The following EGFLAM variants were observed in gnomAD, a reference collection of about 807,000 sequenced individuals.
EGFLAM encodes EGF like, fibronectin type III and laminin G domains.
A neutral mutation model predicts 113.1 loss-of-function variants in EGFLAM; 79 were observed. The ratio of observed to expected loss-of-function variants is 0.70; its 90% CI spans 0.58 to 0.84. The LOEUF is 0.84. Among genes scored for constraint, EGFLAM ranks in the 40% least tolerant of loss-of-function variants. The pLI is 0.00. For synonymous variants in EGFLAM, 504 were observed against 487.6 expected, an observed-to-expected ratio of 1.03 and a Z score of -0.44; for missense variants, 1,265 against 1,291.6, an observed-to-expected ratio of 0.98 and a Z score of 0.32.
intron 1 of EGFLAM, among the ~76,000 whole-genome samples, chr5:38,262,654 G>A (rs1757529132): frequency 1.3e-5 from 2 of 152,182 alleles, no homozygotes; most frequent in Admixed American, 6.5e-5. Context: ...TATATTGGAA[G>A]TTTGTTCCTT....
At chr5:38,321,461 G>A (rs1738738633) in intron 1 of EGFLAM, among the ~76,000 whole-genome samples, 1 of 152,214 alleles carries the variant, frequency 6.6e-6, no homozygotes, top group Non-Finnish European at 1.5e-5. Context: ...GATGTAAGAA[G>A]TGAGCTTGAG....
chr5:38,340,794 T>C (rs1159451756), intron 3 of EGFLAM, among the ~76,000 whole-genome samples: 2 of 144,030 alleles, frequency 1.4e-5, no homozygotes, highest in African/African-American at 2.5e-5. Flanking sequence ...TGTCCACACA[T>C]GCCTCTCTCT....
At chr5:38,463,784 G>A (rs200261741) in intron 21 of EGFLAM, 48 bp from the exon 22 acceptor site, 58 of 1,600,656 alleles carry the variant, frequency 3.6e-5, no homozygotes, top group African/African-American at 3.3e-4. Context: ...CTTGCCCTGC[G>A]GACACCTGTC....
At chr5:38,392,632 G>GGT (rs1382051087) in intron 6 of EGFLAM, among the ~76,000 whole-genome samples, 1 of 150,594 alleles carries the variant, frequency 6.6e-6, no homozygotes, top group African/African-American at 2.5e-5. Context: ...TTTTTTTTGG[G>GGT]GGGGCGGTTC....
chr5:38,395,518 G>C lies in EGFLAM; in HGVS notation c.713-10608G>C, dbSNP rs73749221. On this transcript the variant is annotated intron_variant, in intron 6 of 21. Transcript: ENST00000322350. ...TATCTCCTAGCACTTTGTCTTTAAA[G>C]AGTGAGAAGAGAGGGTCTAAGTGTC... Among the ~76,000 whole-genome samples, 373 of 152,210 alleles carry C rather than the reference G, an allele frequency of 2.5e-3. 1 individual carries two copies. The highest frequency in any genetic ancestry group is 6.7e-3 in the African/African-American group (278 of 41,524).
intron 14 of EGFLAM, 188 bp downstream of exon 14, chr5:38,427,440 T>A (rs1742053783): frequency 1.1e-6 from 1 of 876,070 alleles, no homozygotes; most frequent in African/African-American, 1.7e-5. Flanking sequence ...AGTGCTCTCC[T>A]GCCCACAAGG....
At chr5:38,296,054 G>A (rs1388594688) in intron 1 of EGFLAM, among the ~76,000 whole-genome samples, 3 of 152,166 alleles carry the variant, frequency 2.0e-5, no homozygotes, top group Non-Finnish European at 4.4e-5. Flanking sequence ...GTGCTGGCTA[G>A]GAAATGTTTT....
chr5:38,324,777 A>G (rs997035739), intron 1 of EGFLAM, among the ~76,000 whole-genome samples: 1 of 152,198 alleles, frequency 6.6e-6, no homozygotes, highest in African/African-American at 2.4e-5. Context: ...CTGCATGCAC[A>G]GCTCTGAACA....
chr5:38,417,844 C>G (rs766127143), intron 11 of EGFLAM, among the ~76,000 whole-genome samples: 1 of 151,952 alleles, frequency 6.6e-6, no homozygotes, highest in Admixed American at 6.5e-5. Flanking sequence ...TTCCAAAATC[C>G]TCCCTTCTGG....
At position 38,349,773 on chromosome 5, in the gene EGFLAM, G is replaced by GCACACACACACACACA. The variant is rs57785664; in HGVS notation, c.292-706_292-691dup. Among the ~76,000 whole-genome samples the GCACACACACACACACA allele has an allele frequency of 3.1e-3, 404 of 131,012 alleles. 7 individuals carry two copies. The highest frequency in any genetic ancestry group is 3.8e-3 in the African/African-American group (137 of 35,764). 85.9% of individuals were successfully genotyped at this position (131,012 alleles called of 152,430 possible). ...CCCTTTGTGCAGGGGAAGTACACAC[G>GCACACACACACACACA]CACACACACACACACACACACACAC... On this transcript the variant is annotated intron_variant, in intron 3 of 21. Coordinates refer to ENST00000322350, the MANE Select transcript of EGFLAM (RefSeq NM_152403.4).
At chr5:38,272,417 A>G (rs759199797) in intron 1 of EGFLAM, among the ~76,000 whole-genome samples, 2 of 152,244 alleles carry the variant, frequency 1.3e-5, no homozygotes, top group Non-Finnish European at 2.9e-5. Context: ...TGGGAATGGC[A>G]TCGGAGGTAT....
intron 1 of EGFLAM, among the ~76,000 whole-genome samples, chr5:38,276,600 C>T (rs975884126): frequency 6.6e-6 from 1 of 150,676 alleles, no homozygotes; most frequent in South Asian, 2.1e-4. Flanking sequence ...GAAATATAAA[C>T]CAGGAAAACA....
intron 1 of EGFLAM, among the ~76,000 whole-genome samples, chr5:38,270,444 G>A (rs1191145275): frequency 2.0e-5 from 3 of 151,830 alleles, no homozygotes; most frequent in African/African-American, 4.8e-5. Flanking sequence ...TCTCTTTGAT[G>A]TTCTGGGAAT....
At chr5:38,446,020 G>C (rs1004543037) in intron 17 of EGFLAM, among the ~76,000 whole-genome samples, 1 of 152,182 alleles carries the variant, frequency 6.6e-6, no homozygotes, top group African/African-American at 2.4e-5. Flanking sequence ...GCCAACAACA[G>C]CAGGGACAGG....
At chr5:38,407,324 T>C (rs1212070842) in intron 8 of EGFLAM, among the ~76,000 whole-genome samples, 178 bp downstream of exon 8, 1 of 152,246 alleles carries the variant, frequency 6.6e-6, no homozygotes, top group Non-Finnish European at 1.5e-5. Context: ...CTTTCATTGC[T>C]TCTAAGTAGA....
In EGFLAM at chr5:38,258,657, C is replaced by G. The variant is rs1757412158; in HGVS notation, c.-98C>G. On this transcript the variant is annotated 5_prime_UTR_variant, in exon 1 of 22. Transcript: ENST00000322350. Reference sequence around the variant, plus strand: ...AGCCCCCCACCTCCTCGCCCCGGCCCGGGGATCCGTTGGGGCCGCGTCCCC... The same window carrying G: ...AGCCCCCCACCTCCTCGCCCCGGCCGGGGGATCCGTTGGGGCCGCGTCCCC... 6 of 1,390,852 alleles carry G rather than the reference C, an allele frequency of 4.3e-6. No individual in the cohort carries two copies. The Admixed American group carries it at 5.9e-5, about 14-fold the overall frequency. 86.2% of individuals were successfully genotyped at this position (1,390,852 alleles called of 1,614,324 possible).
chr5:38,327,599 A>G (rs1738924305), intron 1 of EGFLAM, among the ~76,000 whole-genome samples: 1 of 152,196 alleles, frequency 6.6e-6, no homozygotes, highest in South Asian at 2.1e-4. Flanking sequence ...GTGTCATACA[A>G]GCCTCTTTTT....
intron 6 of EGFLAM, among the ~76,000 whole-genome samples, chr5:38,381,348 A>C (rs943158117): frequency 6.6e-6 from 1 of 152,184 alleles, no homozygotes; most frequent in Non-Finnish European, 1.5e-5. Flanking sequence ...GGTCTGTGAA[A>C]TCAGCTTAAC....
chr5:38,370,566 A>G, intron 6 of EGFLAM, 104 bp downstream of exon 6: 1 of 1,388,530 alleles, frequency 7.2e-7, no homozygotes, highest in Non-Finnish European at 9.6e-7. Context: ...CAGCCTGGAA[A>G]AGGGCTAACC....
Sources: allele counts gnomAD v4.1 joint callset (sites outside exome capture counted in the v4.1 genomes callset), GRCh38; gene constraint gnomAD v4.1.1; transcripts MANE v1.5; gene names NCBI Gene and HGNC (gene_info 2026-07-23, HGNC 2026-07-21).